Variants in PCDHA3 observed in about 807,000 individuals in gnomAD.
PCDHA3 encodes the protein protocadherin alpha 3, also known as protocadherin alpha-3.
In PCDHA3, 41 loss-of-function variants were observed where a neutral mutation model predicts 62.2. The observed-to-expected ratio is 0.66, with a 90% CI of 0.51 to 0.86. The LOEUF (loss-of-function observed/expected upper bound fraction) is 0.86. Ranked by LOEUF, PCDHA3 falls within the 40% of genes least tolerant of loss-of-function variation. The pLI is 0.00. For synonymous variants in PCDHA3, 640 were observed against 555.4 expected, an observed-to-expected ratio of 1.15 and a Z score of -2.14; for missense variants, 1,304 against 1,241.2, an observed-to-expected ratio of 1.05 and a Z score of -0.76.
At chr5:140,842,919 T>A in intron 1 of PCDHA3, 1 of 1,594,538 alleles carries the variant, frequency 6.3e-7, no homozygotes, top group Non-Finnish European at 8.6e-7. Flanking sequence ...CTGCTGCAGT[T>A]CCAGGTGAGC....
At chr5:140,936,418 T>G (rs2090950050) in intron 1 of PCDHA3, among the ~76,000 whole-genome samples, 1 of 152,222 alleles carries the variant, frequency 6.6e-6, no homozygotes, top group African/African-American at 2.4e-5. Context: ...ATGTTACTAA[T>G]TTTAATTAAT....
At chr5:140,842,722 C>T (rs1554139310) in intron 1 of PCDHA3, 2 of 1,595,034 alleles carry the variant, frequency 1.3e-6, no homozygotes, top group Non-Finnish European at 1.7e-6. Flanking sequence ...TGAAGGAGAA[C>T]AACCCGCCGG....
rs2150236532 is a variant in PCDHA3, at chr5:140,835,484, C to G, written c.2394+31893C>G. The G allele has an allele frequency of 8.7e-6, 14 of 1,613,926 alleles. 1 individual carries two copies. The highest frequency in any genetic ancestry group is 1.6e-4 in the Middle Eastern group (1 of 6,062). ...TTCCAGAGGACGCCCAACCAGGTAC[C>G]GTCATCACATTGATTAGCGTGTTTG... On this transcript the variant is annotated intron_variant, in intron 1 of 3. Coordinates refer to ENST00000522353, the MANE Select transcript of PCDHA3 (RefSeq NM_018906.3).
chr5:140,833,558 A>G (rs1329947053), intron 1 of PCDHA3, among the ~76,000 whole-genome samples: 1 of 152,224 alleles, frequency 6.6e-6, no homozygotes, highest in African/African-American at 2.4e-5. Context: ...TGAGGAAACA[A>G]ATATAAAATG....
chr5:140,868,138 A>G (rs1436780455), intron 1 of PCDHA3: 7 of 152,142 alleles, frequency 4.6e-5, no homozygotes, highest in African/African-American at 1.4e-4. Context: ...CTGTCATATC[A>G]TTGATTCTGT....
intron 1 of PCDHA3, chr5:140,881,244 C>A (rs1219638908): frequency 4.8e-5 from 19 of 396,890 alleles, no homozygotes; most frequent in Non-Finnish European, 6.2e-5. Context: ...ATTTAAATGA[C>A]GGCAAGGTTT....
At position 140,927,035 on chromosome 5, in the gene PCDHA3, C is replaced by A. The variant is rs1554203936; in HGVS notation, c.2395-51914C>A. 2 of 1,612,296 alleles carry A rather than the reference C, an allele frequency of 1.2e-6. No homozygotes were observed. The highest frequency in any genetic ancestry group is 1.7e-6 in the Non-Finnish European group (2 of 1,178,902). Reference sequence around the variant, plus strand: ...TCCGCGGACTTGAGGCTGCCAGCGGCCGCTATGTCCTCGCGGAACTTTCGC... The same window carrying A: ...TCCGCGGACTTGAGGCTGCCAGCGGACGCTATGTCCTCGCGGAACTTTCGC... On this transcript the variant is annotated intron_variant, in intron 1 of 3. Transcript: ENST00000522353.
intron 1 of PCDHA3, among the ~76,000 whole-genome samples, chr5:140,891,988 A>T (rs1213568167): frequency 6.6e-6 from 1 of 152,216 alleles, no homozygotes. Flanking sequence ...TAAATTACTC[A>T]GTCTGTGGCA....
intron 1 of PCDHA3, among the ~76,000 whole-genome samples, chr5:140,838,280 A>ATTT (rs2150286950): frequency 0.014 from 2,008 of 139,562 alleles, 92 homozygotes; most frequent in African/African-American, 0.051. Context: ...AGCCATGCTA[A>ATTT]TTTTTTTTTT....
At chr5:140,894,469 C>T (rs183471525) in intron 1 of PCDHA3, among the ~76,000 whole-genome samples, 8 of 151,852 alleles carry the variant, frequency 5.3e-5, no homozygotes, top group Admixed American at 5.2e-4. Context: ...ACTTTTTATT[C>T]TTGTTTTCAT....
chr5:140,983,483 C>T (rs2097053951), intron 3 of PCDHA3, among the ~76,000 whole-genome samples: 1 of 152,220 alleles, frequency 6.6e-6, no homozygotes, highest in African/African-American at 2.4e-5. Flanking sequence ...ATAGTAGTTA[C>T]TAATTATTAA....
Position 140,856,403 on chromosome 5 carries a change from G to A in PCDHA3, c.2394+52812G>A, listed in dbSNP as rs782447462. On this transcript the variant is annotated intron_variant, in intron 1 of 3. Coordinates refer to ENST00000522353, the MANE Select transcript of PCDHA3 (RefSeq NM_018906.3). ...CAGGCCGCTGCAGGTTTTCCATGTG[G>A]ACGTGGAAGTGAAGGACATTAACGA... 5.8e-5 allele frequency: 92 copies of A among 1,598,448 alleles called. 11 individuals are homozygous for A. The highest frequency in any genetic ancestry group is 7.7e-5 in the Non-Finnish European group (90 of 1,168,002).
chr5:140,892,448 A>G (rs973072554), intron 1 of PCDHA3, among the ~76,000 whole-genome samples: 13 of 152,292 alleles, frequency 8.5e-5, no homozygotes, highest in African/African-American at 2.9e-4. Context: ...ATTTACATGT[A>G]TTCTTTAAGT....
chr5:140,823,677 C>G, intron 1 of PCDHA3: 1 of 1,614,048 alleles, frequency 6.2e-7, no homozygotes, highest in Non-Finnish European at 8.5e-7. Context: ...GCACAACACG[C>G]TCTCTGGATG....
chr5:140,841,114 T>C (rs2150311282), intron 1 of PCDHA3: 5 of 610,018 alleles, frequency 8.2e-6, no homozygotes, highest in Non-Finnish European at 1.4e-5. Flanking sequence ...AAGTAATTCA[T>C]GTAATCATTA....
intron 1 of PCDHA3, chr5:140,841,355 T>C: frequency 6.2e-7 from 1 of 1,612,706 alleles, no homozygotes; most frequent in Non-Finnish European, 8.5e-7. Flanking sequence ...GCTGGGATCC[T>C]GGCGACTACT....
chr5:140,821,778 G>A, intron 1 of PCDHA3: 1 of 1,607,492 alleles, frequency 6.2e-7, no homozygotes, highest in South Asian at 1.1e-5. Flanking sequence ...AGATTGAGAT[G>A]GTATATTCCC....
At chr5:140,805,140 A>G (rs782367135) in intron 1 of PCDHA3, 2 of 1,571,686 alleles carry the variant, frequency 1.3e-6, no homozygotes, top group Non-Finnish European at 1.7e-6. Context: ...CATTTTGAAG[A>G]CTTTGGAATT....
chr5:140,842,750 G>A, intron 1 of PCDHA3: 1 of 1,595,036 alleles, frequency 6.3e-7, no homozygotes, highest in Non-Finnish European at 8.6e-7. Context: ...CATCTTCACG[G>A]TGTCTGCGCG....
Sources: gnomAD v4.1 joint callset for allele counts (sites outside exome capture counted in the v4.1 genomes callset) on GRCh38, gnomAD v4.1.1 for gene constraint, MANE v1.5 for transcripts, NCBI Gene and HGNC (gene_info 2026-07-23, HGNC 2026-07-21) for gene names.